The following ZDHHC21 variants were observed in gnomAD, a reference collection of about 807,000 sequenced individuals.
ZDHHC21 encodes the protein palmitoyltransferase ZDHHC21.
A neutral mutation model predicts 34.6 loss-of-function variants in ZDHHC21; 15 were observed. The observed-to-expected ratio is 0.43, with a 90% CI of 0.29 to 0.67. The LOEUF (loss-of-function observed/expected upper bound fraction) is 0.67. Ranked by LOEUF, ZDHHC21 falls within the 30% of genes least tolerant of loss-of-function variation. The probability of loss-of-function intolerance (pLI) is 0.14; values close to 1 mark genes in which losing one functional copy is unlikely to be tolerated. For synonymous variants in ZDHHC21, 142 were observed against 101.8 expected, an observed-to-expected ratio of 1.40 and a Z score of -2.38; for missense variants, 344 against 327.7, an observed-to-expected ratio of 1.05 and a Z score of -0.38.
chr9:14,685,042 A>G (rs1838064845), intron 2 of ZDHHC21, among the ~76,000 whole-genome samples: 1 of 152,238 alleles, frequency 6.6e-6, no homozygotes, highest in Admixed American at 6.5e-5. Flanking sequence ...AGCCTTATAC[A>G]AAAATTAATT....
chr9:14,628,470 T>G (rs1334947248), intron 8 of ZDHHC21, among the ~76,000 whole-genome samples: 1 of 152,202 alleles, frequency 6.6e-6, no homozygotes, highest in Non-Finnish European at 1.5e-5. Context: ...TTTGCTTGTT[T>G]GATGTCTAGT....
rs902610274 is a variant in ZDHHC21 at position 14,664,623 on chromosome 9, G to C, written c.254-2297C>G. The stretch of plus-strand genomic sequence containing the variant: ...TAAATGTCCCTGATAGCTTTGAAGA[G>C]AGCAGTGGTTCTCCCTGCACGCAGC... On this transcript the variant is annotated intron_variant, in intron 5 of 9. Coordinates refer to ENST00000380916, the MANE Select transcript of ZDHHC21 (RefSeq NM_178566.6). 6.4e-4 allele frequency among the ~76,000 whole-genome samples: 97 copies of C among 150,724 alleles called. 1 individual carries two copies. The highest frequency in any genetic ancestry group is 2.2e-3 in the Admixed American group (33 of 15,074).
chr9:14,619,111 G>A lies in ZDHHC21; in HGVS notation c.666-13C>T, dbSNP rs781076103. On this transcript the variant is annotated splice_polypyrimidine_tract_variant and intron_variant, in intron 9 of 9. Coordinates refer to ENST00000380916, the MANE Select transcript of ZDHHC21 (RefSeq NM_178566.6). ...TCGGGGCCTCGATCTACAGAAGACA[G>A]CATTATTAGTGAAAGACAGCACTCC... 1 of 1,592,134 alleles carries A rather than the reference G, an allele frequency of 6.3e-7. No individual in the cohort carries two copies. The highest frequency in any genetic ancestry group is 8.5e-7 in the Non-Finnish European group (1 of 1,170,168).
At position 14,672,821 on chromosome 9, in the gene ZDHHC21, G is replaced by C. The variant is rs1835717629; in HGVS notation, c.253+9C>G. On this transcript the variant is annotated intron_variant, in intron 5 of 9. Coordinates refer to ENST00000380916, the MANE Select transcript of ZDHHC21 (RefSeq NM_178566.6). ...CATCAGCAAAACTGATAAATCCAGA[G>C]TACCATACCTCCATGTGGGATCTTG... The C allele has an allele frequency of 6.3e-7, 1 of 1,592,022 alleles. No individual in the cohort carries two copies. Among genetic ancestry groups the C allele is most frequent in the Middle Eastern group, 1.7e-4 (1 of 5,980 alleles).
intron 7 of ZDHHC21, among the ~76,000 whole-genome samples, chr9:14,647,676 TACCACC>T (rs71322002): frequency 0.41 from 62,403 of 151,730 alleles, 12,910 homozygotes; most frequent in Non-Finnish European, 0.43. Context: ...TCTTTCAATT[TACCACC>T]ACGTTTCTTG....
the ZDHHC21 span, among the ~76,000 whole-genome samples, chr9:14,598,672 T>C: frequency 9.9e-5 from 15 of 152,126 alleles, no homozygotes; most frequent in African/African-American, 3.1e-4. Flanking sequence ...CAGTGAAATA[T>C]AAGAGAACAC....
chr9:14,691,590 C>A (rs959872218), intron 1 of ZDHHC21, among the ~76,000 whole-genome samples: 1 of 152,176 alleles, frequency 6.6e-6, no homozygotes, highest in East Asian at 1.9e-4. Context: ...GCTTAGATTT[C>A]TCTTATTAAA....
chr9:14,614,159 C>G lies in ZDHHC21; in HGVS notation c.*4807G>C, dbSNP rs1823790191. The G allele has an allele frequency of 6.6e-6, 1 of 151,736 alleles. No individual in the cohort carries two copies. The highest frequency in any genetic ancestry group is 1.5e-5 in the Non-Finnish European group (1 of 67,754). 9.4% of individuals were successfully genotyped at this position (151,736 alleles called of 1,614,324 possible). Reference sequence around the variant, plus strand: ...GTTGCTGAGATGCTGATTATTCATGCACCATCTAGCCTTCTCTCCATCTTA... The same window carrying G: ...GTTGCTGAGATGCTGATTATTCATGGACCATCTAGCCTTCTCTCCATCTTA... On this transcript the variant is annotated 3_prime_UTR_variant, in exon 10 of 10. Transcript: ENST00000380916.
At position 14,613,855 on chromosome 9, in the gene ZDHHC21, A is replaced by G. The variant is rs1470498557; in HGVS notation, c.*5111T>C. 1 of 151,710 alleles carries G rather than the reference A, an allele frequency of 6.6e-6. No individual in the cohort carries two copies. Among genetic ancestry groups the G allele is most frequent in the Non-Finnish European group, 1.5e-5 (1 of 67,736 alleles). 9.4% of individuals were successfully genotyped at this position (151,710 alleles called of 1,614,324 possible). A position where few individuals can be genotyped will look rare whatever the true frequency, so the allele number is the denominator to read the frequency against. On this transcript the variant is annotated 3_prime_UTR_variant, in exon 10 of 10. Coordinates refer to ENST00000380916, the MANE Select transcript of ZDHHC21 (RefSeq NM_178566.6). ...TTTTCAAACTTTGGTCAACCTATTC[A>G]TTTCTCCTCTGCATTAAATAGCTGA...
At chr9:14,683,449 G>C (rs893102182) in intron 2 of ZDHHC21, 6 of 152,240 alleles carry the variant, frequency 3.9e-5, no homozygotes, top group East Asian at 1.9e-4. Context: ...AGAAAATCTA[G>C]AAGAAATGGA....
At chr9:14,671,334 T>G (rs1018514233) in intron 5 of ZDHHC21, among the ~76,000 whole-genome samples, 5 of 152,148 alleles carry the variant, frequency 3.3e-5, no homozygotes, top group South Asian at 2.1e-4. Flanking sequence ...ACATTTAAAA[T>G]CACTATGTAA....
At chr9:14,688,638 G>C (rs1045497050) in intron 2 of ZDHHC21, among the ~76,000 whole-genome samples, 1 of 152,122 alleles carries the variant, frequency 6.6e-6, no homozygotes, top group African/African-American at 2.4e-5. Context: ...AAGGCGGGTG[G>C]ATCACCTGAG....
chr9:14,656,311 T>A (rs1446250135), intron 7 of ZDHHC21, among the ~76,000 whole-genome samples: 1 of 151,904 alleles, frequency 6.6e-6, no homozygotes, highest in African/African-American at 2.4e-5. Flanking sequence ...CTTAAGTAGG[T>A]TAGAACAGTG....
intron 7 of ZDHHC21, among the ~76,000 whole-genome samples, chr9:14,652,286 G>A (rs1195046150): frequency 6.6e-6 from 1 of 151,616 alleles, no homozygotes; most frequent in South Asian, 2.1e-4. Context: ...AGGTTCACAG[G>A]CCTTTTTTTA....
At chr9:14,619,282 G>A (rs1237425030) in intron 9 of ZDHHC21, among the ~76,000 whole-genome samples, 184 bp from the exon 10 acceptor site, 2 of 152,100 alleles carry the variant, frequency 1.3e-5, no homozygotes, top group African/African-American at 2.4e-5. Context: ...AGCAGATATT[G>A]TATCTGTGTC....
At chr9:14,662,499 CAT>C (rs1209101949) in intron 5 of ZDHHC21, among the ~76,000 whole-genome samples, 173 bp from the exon 6 acceptor site, 1 of 152,110 alleles carries the variant, frequency 6.6e-6, no homozygotes, top group African/African-American at 2.4e-5. Context: ...TTCTATTCTA[CAT>C]ATGTCTTATT....
chr9:14,687,539 C>T (rs376648120), intron 2 of ZDHHC21, among the ~76,000 whole-genome samples: 4 of 150,664 alleles, frequency 2.7e-5, no homozygotes, highest in East Asian at 3.9e-4. Flanking sequence ...GGCATAGTGG[C>T]GCCCGCCTGT....
chr9:14,658,728 C>G (rs1412098347), intron 7 of ZDHHC21, 21 bp downstream of exon 7: 1 of 1,610,562 alleles, frequency 6.2e-7, no homozygotes, highest in African/African-American at 1.3e-5. Flanking sequence ...GCCTCGGCCT[C>G]CCAATATAAA....
intron 5 of ZDHHC21, among the ~76,000 whole-genome samples, chr9:14,668,577 A>G (rs1393262528): frequency 6.6e-6 from 1 of 150,924 alleles, no homozygotes; most frequent in Non-Finnish European, 1.5e-5. Flanking sequence ...AAGCTGGAGG[A>G]ATCACACGAC....
Sources: allele counts gnomAD v4.1 joint callset (sites outside exome capture counted in the v4.1 genomes callset), GRCh38; gene constraint gnomAD v4.1.1; transcripts MANE v1.5; gene names NCBI Gene and HGNC (gene_info 2026-07-23, HGNC 2026-07-21).